The following RGS7 variants were observed in gnomAD, a reference collection of about 807,000 sequenced individuals.
The protein encoded by RGS7 is regulator of G protein signaling 7, also known as regulator of G-protein signaling 7.
A neutral mutation model predicts 81.1 loss-of-function variants in RGS7; 27 were observed. The observed-to-expected ratio is 0.33, with a 90% CI of 0.25 to 0.46. RGS7 has a LOEUF of 0.46. Among genes scored for constraint, RGS7 ranks in the 20% least tolerant of loss-of-function variants. The pLI is 1.00. For missense variants in RGS7, 396 were observed against 607.4 expected (o/e 0.65, Z 3.66); for synonymous variants, 208 against 207.7 (o/e 1.00, Z -0.01).
At chr1:241,138,518 G>A (rs938293195) in intron 2 of RGS7, among the ~76,000 whole-genome samples, 4 of 152,132 alleles carry the variant, frequency 2.6e-5, no homozygotes, top group Middle Eastern at 3.2e-3. Flanking sequence ...CTGCACACAC[G>A]CCTGGCTTCT....
intron 4 of RGS7, among the ~76,000 whole-genome samples, chr1:240,944,423 G>T (rs150399086): frequency 9.0e-4 from 136 of 150,702 alleles, no homozygotes; most frequent in African/African-American, 3.0e-3. Context: ...AATGGCAAGG[G>T]CCAGGGCAGT....
chr1:240,860,141 A>G (rs1203078178), intron 9 of RGS7, among the ~76,000 whole-genome samples: 1 of 152,162 alleles, frequency 6.6e-6, no homozygotes, highest in African/African-American at 2.4e-5. Flanking sequence ...TGAGTGCTCC[A>G]TGGAAGCTTG....
In RGS7 at chr1:240,812,059, C is replaced by A; in HGVS notation, c.957-16G>T. ...CGGTTCTTTGCTATAGAAGATAAAA[C>A]AAAGGCAAATACATTCCTTTCATTA... is the stretch of plus-strand genomic sequence containing the variant. On this transcript the variant is annotated splice_polypyrimidine_tract_variant and intron_variant, in intron 13 of 18. Coordinates refer to ENST00000440928, the MANE Select transcript of RGS7 (RefSeq NM_001364886.1). The A allele has an allele frequency of 6.2e-7, 1 of 1,614,046 alleles. No homozygotes were observed. The highest frequency in any genetic ancestry group is 1.1e-5 in the South Asian group (1 of 91,076).
At chr1:240,889,223 C>T (rs747760324) in intron 6 of RGS7, among the ~76,000 whole-genome samples, 1 of 152,146 alleles carries the variant, frequency 6.6e-6, no homozygotes, top group Non-Finnish European at 1.5e-5. Flanking sequence ...TCCCAAAGTG[C>T]TGGGATTACA....
intron 4 of RGS7, among the ~76,000 whole-genome samples, chr1:240,976,593 C>T (rs77185133): frequency 0.044 from 6,655 of 152,210 alleles, 188 homozygotes; most frequent in South Asian, 0.1. Context: ...CAGATTTTCT[C>T]CAAGGAAGAG....
At chr1:241,055,996 A>G (rs1400703395) in intron 3 of RGS7, among the ~76,000 whole-genome samples, 2 of 152,210 alleles carry the variant, frequency 1.3e-5, no homozygotes, top group Non-Finnish European at 2.9e-5. Context: ...ATTTGTTTGC[A>G]ACACAAAACA....
intron 2 of RGS7, among the ~76,000 whole-genome samples, chr1:241,290,892 A>G (rs1370255508): frequency 6.6e-6 from 1 of 152,210 alleles, no homozygotes; most frequent in Non-Finnish European, 1.5e-5. Context: ...ATGGCATTAC[A>G]ACTTACAAGA....
intron 2 of RGS7, among the ~76,000 whole-genome samples, chr1:241,300,484 C>T (rs1200555777): frequency 6.6e-6 from 1 of 151,884 alleles, no homozygotes; most frequent in Non-Finnish European, 1.5e-5. Flanking sequence ...ATAGTTTTGC[C>T]TTTTCCAGAA....
rs146992753 is a variant in RGS7 at position 241,144,258 on chromosome 1, C to T, written c.79-45496G>A. ...ATCCAAATTGACATACATGTGCTGG[C>T]GCATATGTTGTTTATTTCTCTGCTG... On this transcript the variant is annotated intron_variant, in intron 2 of 18. Coordinates refer to ENST00000440928, the MANE Select transcript of RGS7 (RefSeq NM_001364886.1). This position sits in a 1 kb window ranked among gnomAD's most constrained non-coding sequence, Gnocchi z 4.7. Among the ~76,000 whole-genome samples the T allele has an allele frequency of 6.3e-3, 959 of 152,184 alleles. 27 individuals are homozygous for T. The highest frequency in any genetic ancestry group is 0.047 in the Admixed American group (717 of 15,276).
intron 2 of RGS7, among the ~76,000 whole-genome samples, chr1:241,174,210 C>G (rs2070940938): frequency 6.6e-6 from 1 of 152,144 alleles, no homozygotes; most frequent in African/African-American, 2.4e-5. Context: ...AGGACAAGAC[C>G]CAATTTTCTA....
chr1:241,354,744 T>G (rs1416940652), intron 2 of RGS7, among the ~76,000 whole-genome samples: 1 of 152,226 alleles, frequency 6.6e-6, no homozygotes, highest in Non-Finnish European at 1.5e-5. Flanking sequence ...ATTAAAGCCT[T>G]TAACAATTTT....
intron 3 of RGS7, among the ~76,000 whole-genome samples, chr1:241,090,802 T>TA (rs913508935): frequency 4.6e-5 from 7 of 152,060 alleles, no homozygotes; most frequent in South Asian, 2.1e-4. Context: ...TCCTTAGAGG[T>TA]AAAAATGAAG....
intron 3 of RGS7, among the ~76,000 whole-genome samples, chr1:241,081,375 A>AT (rs1432269540): frequency 1.3e-5 from 2 of 152,334 alleles, no homozygotes; most frequent in Admixed American, 1.3e-4. Flanking sequence ...ACCAGCTGGG[A>AT]TCCCCCAAAC....
At chr1:241,239,960 G>T (rs558726302) in intron 2 of RGS7, among the ~76,000 whole-genome samples, 117 of 152,266 alleles carry the variant, frequency 7.7e-4, no homozygotes, top group African/African-American at 2.7e-3. Flanking sequence ...AACAGAAGTG[G>T]CTCAAGGAGA....
At chr1:241,106,867 G>GT (rs532538212) in intron 2 of RGS7, among the ~76,000 whole-genome samples, 7 of 146,896 alleles carry the variant, frequency 4.8e-5, no homozygotes, top group East Asian at 2.0e-4. Flanking sequence ...TAAAGTAGAG[G>GT]TTTTTTTTCT....
intron 2 of RGS7, among the ~76,000 whole-genome samples, chr1:241,313,302 T>C (rs1044831450): frequency 2.0e-5 from 3 of 152,326 alleles, no homozygotes; most frequent in South Asian, 2.1e-4. Flanking sequence ...AAGATGCCAT[T>C]TAGGACTTTC....
intron 9 of RGS7, among the ~76,000 whole-genome samples, chr1:240,852,065 G>A (rs1188507164): frequency 1.3e-5 from 2 of 152,162 alleles, no homozygotes; most frequent in African/African-American, 2.4e-5. Flanking sequence ...GTTCTACTGC[G>A]GGTAAAATGC....
chr1:240,835,067 C>A (rs1388562106), intron 9 of RGS7, among the ~76,000 whole-genome samples: 1 of 151,964 alleles, frequency 6.6e-6, no homozygotes, highest in African/African-American at 2.4e-5. Flanking sequence ...TTTTTAGATA[C>A]CCTATCGAAG....
intron 3 of RGS7, among the ~76,000 whole-genome samples, chr1:241,006,257 C>T (rs539587216): frequency 6.6e-6 from 1 of 152,200 alleles, no homozygotes; most frequent in South Asian, 2.1e-4. Flanking sequence ...CATCAATATA[C>T]AGCCTCCATA....
Sources: allele counts gnomAD v4.1 joint callset (sites outside exome capture counted in the v4.1 genomes callset), GRCh38; gene constraint gnomAD v4.1.1; non-coding constraint Gnocchi (gnomAD v3.1); transcripts MANE v1.5; gene names NCBI Gene and HGNC (gene_info 2026-07-23, HGNC 2026-07-21).